The following RELN variants were observed in gnomAD, a reference collection of about 807,000 sequenced individuals.
RELN encodes reelin.
A neutral mutation model predicts 427.6 loss-of-function variants in RELN; 108 were observed. The observed-to-expected ratio is 0.25, with a 90% CI of 0.22 to 0.30. The LOEUF is 0.30. Among genes scored for constraint, RELN ranks in the 10% least tolerant of loss-of-function variants. The pLI, the probability that RELN is intolerant of heterozygous loss-of-function variation, is 1.00. For synonymous variants in RELN, 1,524 were observed against 1,513.4 expected, an observed-to-expected ratio of 1.01 and a Z score of -0.16; for missense variants, 3,715 against 4,302.8, an observed-to-expected ratio of 0.86 and a Z score of 3.82.
chr7:103,524,065 A>C (rs1366116231), intron 46 of RELN, among the ~76,000 whole-genome samples: 2 of 152,188 alleles, frequency 1.3e-5, no homozygotes, highest in Non-Finnish European at 1.5e-5. Context: ...CAATTTGGCC[A>C]AGTGATCTTC....
intron 15 of RELN, 121 bp downstream of exon 15, chr7:103,651,540 T>C: frequency 2.1e-6 from 2 of 933,762 alleles, no homozygotes; most frequent in South Asian, 2.7e-5. Flanking sequence ...ACAAGACCAC[T>C]TTTAAAGAGG....
intron 28 of RELN, among the ~76,000 whole-genome samples, chr7:103,580,608 A>T (rs766644157): frequency 1.3e-5 from 2 of 152,168 alleles, no homozygotes; most frequent in Non-Finnish European, 2.9e-5. Flanking sequence ...TTTTGGGGGT[A>T]CAGGTGATTT....
intron 1 of RELN, among the ~76,000 whole-genome samples, chr7:103,961,638 G>A (rs575611656): frequency 1.1e-4 from 16 of 152,226 alleles, no homozygotes; most frequent in Admixed American, 3.9e-4. Flanking sequence ...AGGTAACTTG[G>A]GATTGTGAGT....
At chr7:103,716,982 C>A in intron 8 of RELN, among the ~76,000 whole-genome samples, 1 of 152,004 alleles carries the variant, frequency 6.6e-6, no homozygotes, top group Non-Finnish European at 1.5e-5. Flanking sequence ...TACAGTCCCC[C>A]CAAAATGTTA....
chr7:103,583,896 G>A (rs183616167), intron 28 of RELN, among the ~76,000 whole-genome samples: 113 of 152,292 alleles, frequency 7.4e-4, no homozygotes, highest in African/African-American at 2.4e-3. Flanking sequence ...TGGAGACCCC[G>A]TGAAGGCAAT....
chr7:103,829,001 C>T (rs1793211215), intron 3 of RELN, among the ~76,000 whole-genome samples: 1 of 151,884 alleles, frequency 6.6e-6, no homozygotes, highest in South Asian at 2.1e-4. Flanking sequence ...ACCAGACTGC[C>T]TTTGAATCCA....
intron 8 of RELN, among the ~76,000 whole-genome samples, chr7:103,721,015 G>A (rs1790063275): frequency 6.6e-6 from 1 of 152,068 alleles, no homozygotes; most frequent in Admixed American, 6.6e-5. Context: ...TACTCTCAAA[G>A]TGTAGTAAGT....
chr7:103,482,759 C>T (rs754710534), intron 63 of RELN, 114 bp downstream of exon 63: 5 of 1,567,030 alleles, frequency 3.2e-6, no homozygotes, highest in Non-Finnish European at 3.5e-6. Context: ...CCAAAGTGCT[C>T]CTGTGGGGGC....
intron 4 of RELN, among the ~76,000 whole-genome samples, chr7:103,756,060 T>C (rs1342834510): frequency 6.6e-6 from 1 of 152,226 alleles, no homozygotes; most frequent in East Asian, 1.9e-4. Flanking sequence ...TAGATATGTA[T>C]AACAAAATAT....
At chr7:103,734,343 A>G (rs779586974) in intron 6 of RELN, among the ~76,000 whole-genome samples, 4 of 137,382 alleles carry the variant, frequency 2.9e-5, no homozygotes, top group Non-Finnish European at 6.9e-5. Context: ...CTAATAGTAA[A>G]AGTAATACTA....
At chr7:103,707,502 TTC>T (rs1347879616) in intron 8 of RELN, among the ~76,000 whole-genome samples, 3 of 148,592 alleles carry the variant, frequency 2.0e-5, no homozygotes, top group African/African-American at 7.8e-5. Context: ...TTTCTTTCTT[TTC>T]TTTTTTTTTT....
At chr7:103,721,740 C>T (rs189263382) in intron 8 of RELN, among the ~76,000 whole-genome samples, 32 of 152,138 alleles carry the variant, frequency 2.1e-4, no homozygotes, top group Middle Eastern at 3.4e-3. Flanking sequence ...ATATCTGAAA[C>T]TAATGTTCAT....
At chr7:103,623,674 G>A (rs1403301544) in intron 20 of RELN, among the ~76,000 whole-genome samples, 1 of 152,172 alleles carries the variant, frequency 6.6e-6, no homozygotes, top group Non-Finnish European at 1.5e-5. Flanking sequence ...TCAAACCTCT[G>A]CAAACACATA....
rs778219590 is a variant in RELN at position 103,698,119 on chromosome 7, T to C, written c.903-26A>G. On this transcript the variant is annotated intron_variant, in intron 9 of 64. Transcript: ENST00000428762. Reference sequence around the variant, plus strand: ...CTGGAACATACAGAGAGATGGCAAGTTTAGCAATGCTGACTTTTTCTTTCT... The same window carrying C: ...CTGGAACATACAGAGAGATGGCAAGCTTAGCAATGCTGACTTTTTCTTTCT... The C allele has an allele frequency of 3.2e-5, 51 of 1,613,240 alleles. No individual in the cohort carries two copies. In the South Asian group the frequency reaches 5.3e-4, roughly 17 times the overall value.
intron 41 of RELN, among the ~76,000 whole-genome samples, chr7:103,548,495 A>G (rs1309407659): frequency 6.6e-6 from 1 of 152,232 alleles, no homozygotes; most frequent in Non-Finnish European, 1.5e-5. Context: ...TTTTCCTGAA[A>G]CAAGGACTAG....
At chr7:103,936,249 T>A (rs557541525) in intron 1 of RELN, among the ~76,000 whole-genome samples, 2 of 152,170 alleles carry the variant, frequency 1.3e-5, no homozygotes, top group South Asian at 4.1e-4. Flanking sequence ...TGCGCCACCA[T>A]GCCCAGCTAA....
chr7:103,584,865 C>T (rs1831233118), intron 28 of RELN, among the ~76,000 whole-genome samples: 1 of 152,138 alleles, frequency 6.6e-6, no homozygotes, highest in Non-Finnish European at 1.5e-5. Context: ...TAAGTATCTT[C>T]TTAGACCATG....
chr7:103,642,346 A>G (rs1832710138), intron 16 of RELN, among the ~76,000 whole-genome samples: 1 of 132,274 alleles, frequency 7.6e-6, no homozygotes. Flanking sequence ...GAGATTTCAT[A>G]GTGTTTTTTT....
At chr7:103,921,418 G>T (rs946017139) in intron 1 of RELN, among the ~76,000 whole-genome samples, 1 of 151,758 alleles carries the variant, frequency 6.6e-6, no homozygotes, top group South Asian at 2.1e-4. Flanking sequence ...CTTTCCCAAG[G>T]GACTTCTTCC....
Sources: gnomAD v4.1 joint callset for allele counts (sites outside exome capture counted in the v4.1 genomes callset) on GRCh38, gnomAD v4.1.1 for gene constraint, MANE v1.5 for transcripts, NCBI Gene and HGNC (gene_info 2026-07-23, HGNC 2026-07-21) for gene names.